Variants in EML6 observed in about 807,000 individuals in gnomAD.
EML6 encodes the protein EMAP like 6, also known as echinoderm microtubule-associated protein-like 6.
In EML6, 154 loss-of-function variants were observed where a neutral mutation model predicts 240.1. The ratio of observed to expected loss-of-function variants is 0.64; its 90% CI spans 0.56 to 0.73. The LOEUF is 0.73. Among genes scored for constraint, EML6 ranks in the 30% least tolerant of loss-of-function variants. The probability of loss-of-function intolerance (pLI) is 0.00; values close to 1 mark genes in which losing one functional copy is unlikely to be tolerated. For missense variants in EML6, 2,964 were observed against 2,474.6 expected, an observed-to-expected ratio of 1.20 and a Z score of -4.20; for synonymous variants, 1,148 against 899.0, an observed-to-expected ratio of 1.28 and a Z score of -4.95.
intron 20 of EML6, 107 bp downstream of exon 20, chr2:54,895,133 A>G (rs1354673003): frequency 1.5e-6 from 2 of 1,311,342 alleles, no homozygotes; most frequent in Admixed American, 4.1e-5. Context: ...TCCCTCTTCC[A>G]TGTTTAGAAC....
At chr2:54,961,184 G>GTTGTTTTTTTTTTGTTTTTTTTTT in intron 35 of EML6, among the ~76,000 whole-genome samples, 1 of 55,424 alleles carries the variant, frequency 1.8e-5, no homozygotes, top group African/African-American at 8.1e-5. Context: ...TCAGGAAGTA[G>GTTGTTTTTTTTTTGTTTTTTTTTT]TTTTTTTTTT....
intron 6 of EML6, among the ~76,000 whole-genome samples, chr2:54,828,555 C>G (rs1024337037): frequency 2.6e-5 from 4 of 152,238 alleles, no homozygotes; most frequent in African/African-American, 9.6e-5. Flanking sequence ...GTTTAAGCAA[C>G]TCTTAGAGCT....
chr2:54,733,365 A>G (rs1000141786), intron 2 of EML6, among the ~76,000 whole-genome samples: 2 of 152,212 alleles, frequency 1.3e-5, no homozygotes, highest in African/African-American at 4.8e-5. Context: ...CTCACAAATG[A>G]CAAGATGTCT....
intron 10 of EML6, among the ~76,000 whole-genome samples, chr2:54,852,269 G>C (rs536747373): frequency 1.3e-5 from 2 of 152,226 alleles, no homozygotes; most frequent in African/African-American, 2.4e-5. Context: ...TTAACATTTA[G>C]TTTGTGTGAT....
chr2:54,945,683 G>A (rs1221054325), intron 28 of EML6, among the ~76,000 whole-genome samples: 6 of 152,212 alleles, frequency 3.9e-5, no homozygotes, highest in Non-Finnish European at 5.9e-5. Flanking sequence ...AGGTCATTGT[G>A]TGCTCTGCTC....
chr2:54,735,782 C>A (rs1683362364), intron 2 of EML6, among the ~76,000 whole-genome samples: 1 of 152,230 alleles, frequency 6.6e-6, no homozygotes, highest in African/African-American at 2.4e-5. Flanking sequence ...TTTTGAAAAT[C>A]TGTTGAAGTG....
intron 15 of EML6, among the ~76,000 whole-genome samples, chr2:54,870,108 C>T (rs1381362180): frequency 6.6e-6 from 1 of 152,098 alleles, no homozygotes; most frequent in Non-Finnish European, 1.5e-5. Context: ...CTGGTATTAA[C>T]TAAGTGGCAA....
chr2:54,952,838 C>T (rs1473047306), intron 31 of EML6, 146 bp downstream of exon 31: 1 of 619,248 alleles, frequency 1.6e-6, no homozygotes, highest in African/African-American at 1.8e-5. Context: ...CTGAGTGTAT[C>T]TGTGTCACCT....
intron 28 of EML6, among the ~76,000 whole-genome samples, chr2:54,946,080 C>T (rs1269573478): frequency 1.3e-5 from 2 of 152,236 alleles, no homozygotes; most frequent in African/African-American, 4.8e-5. Context: ...CTCCTGCTCT[C>T]CAGAGCTTCG....
intron 16 of EML6, among the ~76,000 whole-genome samples, chr2:54,878,632 A>G (rs1337029213): frequency 6.6e-6 from 1 of 152,364 alleles, no homozygotes; most frequent in Non-Finnish European, 1.5e-5. Flanking sequence ...AATCATGGAT[A>G]ATTATTATTC....
chr2:54,892,700 A>C (rs894741552), intron 19 of EML6, 44 bp downstream of exon 19: 8 of 1,480,202 alleles, frequency 5.4e-6, no homozygotes, highest in Non-Finnish European at 7.3e-6. Context: ...TCAGCCTTCT[A>C]AAATTATAAG....
At chr2:54,727,991 A>G (rs770523757) in intron 2 of EML6, among the ~76,000 whole-genome samples, 64 of 152,314 alleles carry the variant, frequency 4.2e-4, no homozygotes, top group Admixed American at 1.8e-3. Context: ...TATATGTCTA[A>G]GTCAGATTTT....
chr2:54,798,207 C>G (rs954759652), intron 2 of EML6, among the ~76,000 whole-genome samples: 4 of 152,106 alleles, frequency 2.6e-5, no homozygotes, highest in Admixed American at 6.6e-5. Flanking sequence ...GAGTCTCGCC[C>G]TGTTGCCCAG....
intron 28 of EML6, among the ~76,000 whole-genome samples, chr2:54,946,147 C>A (rs181123151): frequency 6.6e-6 from 1 of 152,196 alleles, no homozygotes; most frequent in Non-Finnish European, 1.5e-5. Context: ...TTGCCAGGCT[C>A]CCTCCTTAAA....
rs1676926858 is a variant in EML6, at chr2:54,970,142, C to T, written c.*47C>T. 1.3e-6 allele frequency: 2 copies of T among 1,546,580 alleles called. No homozygotes were observed. ...TATTGCTGCTGCTGCTACCAGCCAG[C>T]AACTGCAGAGGCCATGCTGAGGTGC... On this transcript the variant is annotated 3_prime_UTR_variant, in exon 42 of 42. Transcript: ENST00000356458.
At chr2:54,811,579 G>C (rs1667848452) in intron 2 of EML6, among the ~76,000 whole-genome samples, 1 of 147,168 alleles carries the variant, frequency 6.8e-6, no homozygotes, top group Non-Finnish European at 1.5e-5. Context: ...AAAGATAGCA[G>C]TGTGATTTCT....
At chr2:54,778,511 C>T (rs367746842) in intron 2 of EML6, among the ~76,000 whole-genome samples, 8 of 152,122 alleles carry the variant, frequency 5.3e-5, no homozygotes, top group Non-Finnish European at 1.0e-4. Context: ...TCACTCTGTG[C>T]GAGATGCTGA....
At chr2:54,755,886 G>C (rs759306263) in intron 2 of EML6, among the ~76,000 whole-genome samples, 1 of 151,842 alleles carries the variant, frequency 6.6e-6, no homozygotes, top group Admixed American at 6.6e-5. Context: ...TTCTGCTTAG[G>C]TTTTTAACCT....
At chr2:54,755,301 G>T (rs1209842842) in intron 2 of EML6, among the ~76,000 whole-genome samples, 1 of 152,150 alleles carries the variant, frequency 6.6e-6, no homozygotes, top group Non-Finnish European at 1.5e-5. Context: ...TAACCTCTCT[G>T]ACTTTGTGGT....
Sources: gnomAD v4.1 joint callset for allele counts (sites outside exome capture counted in the v4.1 genomes callset) on GRCh38, gnomAD v4.1.1 for gene constraint, MANE v1.5 for transcripts, NCBI Gene and HGNC (gene_info 2026-07-23, HGNC 2026-07-21) for gene names.